The following FMO1 variants were observed in gnomAD, a reference collection of about 807,000 sequenced individuals.
FMO1 encodes flavin containing dimethylaniline monoxygenase 1, also known as flavin-containing monooxygenase 1.
In FMO1, 36 loss-of-function variants were observed where a neutral mutation model predicts 45.4. That is an observed-to-expected ratio of 0.79 (90% CI 0.61 to 1.05). The LOEUF (loss-of-function observed/expected upper bound fraction) is 1.05, where lower values mean the gene tolerates loss of function less well. FMO1 is among the 50% of genes least tolerant of loss of function. FMO1 has a pLI of 0.00. For missense variants in FMO1, 615 were observed against 640.3 expected (o/e 0.96, Z 0.43); for synonymous variants, 228 against 227.2 (o/e 1.00, Z -0.03).
intron 2 of FMO1, among the ~76,000 whole-genome samples, chr1:171,266,211 A>G (rs1455142359): frequency 6.6e-6 from 1 of 152,238 alleles, no homozygotes; most frequent in African/African-American, 2.4e-5. Flanking sequence ...TTAGACAAAA[A>G]CAAGACTGAT....
chr1:171,249,365 G>A (rs1242821221), intron 1 of FMO1, among the ~76,000 whole-genome samples: 1 of 152,080 alleles, frequency 6.6e-6, no homozygotes, highest in East Asian at 1.9e-4. Context: ...ATCTGCTATG[G>A]CCTTGTAACT....
chr1:171,280,889 G>A lies in FMO1; in HGVS notation c.731G>A (p.Arg244Lys). 1.2e-6 allele frequency: 2 copies of A among 1,613,966 alleles called. No individual in the cohort carries two copies. Among genetic ancestry groups the A allele is most frequent in the Non-Finnish European group, 1.7e-6 (2 of 1,179,882 alleles). The stretch of plus-strand genomic sequence containing the variant: ...ATGACACGCTTTCAGAACATGTTGA[G>A]AAATTCCCTCCCAACCCCAATTGTG... ...VFMTRFQNMLRNSLPTPIVTW... is the reference protein window; with the variant it reads ...VFMTRFQNMLKNSLPTPIVTW... Residue 244 changes from arginine to lysine, a missense_variant, in exon 6 of 9, where the codon AGA becomes AAA. Coordinates refer to ENST00000617670, the MANE Select transcript of FMO1 (RefSeq NM_001282693.2).
At chr1:171,273,516 T>C (rs759250917) in intron 3 of FMO1, among the ~76,000 whole-genome samples, 1 of 152,130 alleles carries the variant, frequency 6.6e-6, no homozygotes, top group Non-Finnish European at 1.5e-5. Context: ...TTTTTTATTT[T>C]GTTGTTGTTG....
intron 1 of FMO1, among the ~76,000 whole-genome samples, chr1:171,249,686 AGT>A (rs72417662): frequency 0.15 from 22,545 of 150,596 alleles, 1,716 homozygotes; most frequent in African/African-American, 0.17. Context: ...AAGGTGTAGG[AGT>A]GTGTGTGTGT....
chr1:171,282,508 G>T, intron 7 of FMO1, 175 bp downstream of exon 7: 1 of 521,838 alleles, frequency 1.9e-6, no homozygotes, highest in South Asian at 4.0e-5. Context: ...TTCCATTACT[G>T]CATAAATGGT....
intron 4 of FMO1, among the ~76,000 whole-genome samples, chr1:171,278,449 T>C (rs1436304054): frequency 1.3e-5 from 2 of 152,178 alleles, no homozygotes; most frequent in African/African-American, 4.8e-5. Context: ...CCTTATACTT[T>C]TGCTTAATAT....
At chr1:171,258,831 G>A (rs1039782858) in intron 2 of FMO1, among the ~76,000 whole-genome samples, 4 of 151,606 alleles carry the variant, frequency 2.6e-5, no homozygotes, top group African/African-American at 9.8e-5. Context: ...TTACTGCCTG[G>A]ATCGGAGAAA....
At position 171,282,321 on chromosome 1, in the gene FMO1, C is replaced by A. The variant is rs760796967; in HGVS notation, c.1171C>A (p.Arg391=). 3 of 1,608,542 alleles carry A rather than the reference C, an allele frequency of 1.9e-6. No homozygotes were observed. Among genetic ancestry groups the A allele is most frequent in the Admixed American group, 3.4e-5 (2 of 59,596 alleles). Residue 391 remains arginine (R), a synonymous_variant, in exon 7 of 9, where the codon CGA becomes AGA. Coordinates refer to ENST00000617670, the MANE Select transcript of FMO1 (RefSeq NM_001282693.2). The part of the protein sequence containing the change: ...TGETQARWAV[R]VLKGVNKLPP... ...AGAAACACAAGCTCGGTGGGCTGTT[C>A]GAGTCCTGAAAGGTAAGTATAAGAA...
chr1:171,279,543 T>C, intron 5 of FMO1, among the ~76,000 whole-genome samples: 1 of 152,094 alleles, frequency 6.6e-6, no homozygotes, highest in Admixed American at 6.5e-5. Context: ...AAAGCCTACG[T>C]TCCTAACTAT....
intron 3 of FMO1, among the ~76,000 whole-genome samples, chr1:171,268,682 C>A (rs1347577028): frequency 2.0e-5 from 3 of 152,010 alleles, no homozygotes. Flanking sequence ...TCTCCTTTCT[C>A]CCTCCCCTGT....
chr1:171,277,695 T>A (rs1198118649), intron 4 of FMO1, among the ~76,000 whole-genome samples: 1 of 152,206 alleles, frequency 6.6e-6, no homozygotes, highest in Admixed American at 6.5e-5. Flanking sequence ...AACAGTTCTC[T>A]GATCCATATT....
chr1:171,265,269 T>C (rs905670809), intron 2 of FMO1, among the ~76,000 whole-genome samples: 7 of 151,756 alleles, frequency 4.6e-5, no homozygotes, highest in Non-Finnish European at 1.0e-4. Flanking sequence ...CGGGTGCCTG[T>C]AGTCCCAGCT....
chr1:171,251,270 C>CTGTT (rs778804850), intron 1 of FMO1, among the ~76,000 whole-genome samples: 27 of 152,258 alleles, frequency 1.8e-4, no homozygotes, highest in Non-Finnish European at 3.5e-4. Context: ...CAAGTCGCAA[C>CTGTT]TGTTTACAGG....
intron 3 of FMO1, among the ~76,000 whole-genome samples, chr1:171,273,734 C>T (rs1571350606): frequency 6.6e-6 from 1 of 152,130 alleles, no homozygotes; most frequent in African/African-American, 2.4e-5. Flanking sequence ...CCAGGGTGGT[C>T]TTGAACTCCT....
chr1:171,263,533 GA>G (rs28384872), intron 2 of FMO1, among the ~76,000 whole-genome samples: 1,551 of 152,278 alleles, frequency 0.01, 27 homozygotes, highest in African/African-American at 0.034. Flanking sequence ...TGGTGATGGT[GA>G]CCTCCCAACT....
intron 2 of FMO1, among the ~76,000 whole-genome samples, chr1:171,262,491 C>T (rs12726624): frequency 2.6e-5 from 4 of 152,046 alleles, no homozygotes; most frequent in African/African-American, 2.4e-5. Context: ...TCTTTTCCTC[C>T]GCACATGCAC....
At chr1:171,252,502 C>A (rs190259260) in intron 1 of FMO1, among the ~76,000 whole-genome samples, 3 of 152,346 alleles carry the variant, frequency 2.0e-5, no homozygotes, top group Middle Eastern at 3.4e-3. Context: ...CTCAGCCCCC[C>A]GCCATGCCTC....
At chr1:171,266,768 A>G (rs1378029304) in intron 2 of FMO1, among the ~76,000 whole-genome samples, 1 of 152,246 alleles carries the variant, frequency 6.6e-6, no homozygotes, top group Admixed American at 6.5e-5. Flanking sequence ...TAATGTTAAA[A>G]TACAAGAACC....
At chr1:171,268,418 T>C (rs144148254) in intron 3 of FMO1, among the ~76,000 whole-genome samples, 3 of 152,300 alleles carry the variant, frequency 2.0e-5, no homozygotes, top group South Asian at 2.1e-4. Flanking sequence ...TTTATAGGAA[T>C]GGACACGTGC....
Sources: gnomAD v4.1 joint callset for allele counts (sites outside exome capture counted in the v4.1 genomes callset) on GRCh38, gnomAD v4.1.1 for gene constraint, MANE v1.5 for transcripts, NCBI Gene and HGNC (gene_info 2026-07-23, HGNC 2026-07-21) for gene names.